Variants in SOX13 observed in about 807,000 individuals in gnomAD.
SOX13 encodes transcription factor SOX-13.
SOX13 carries 28 observed loss-of-function variants against 71.8 expected under a neutral mutation model. The observed-to-expected ratio is 0.39, with a 90% CI of 0.29 to 0.53. The LOEUF (loss-of-function observed/expected upper bound fraction) is 0.53. Among genes scored for constraint, SOX13 ranks in the 20% least tolerant of loss-of-function variants. SOX13 has a pLI of 0.70. For synonymous variants in SOX13, 309 were observed against 317.8 expected (o/e 0.97, Z 0.29); for missense variants, 627 against 810.3 (o/e 0.77, Z 2.75).
chr1:204,115,480 T>G (rs1571589141), intron 4 of SOX13, among the ~76,000 whole-genome samples: 2 of 115,550 alleles, frequency 1.7e-5, no homozygotes, highest in East Asian at 3.3e-4. Context: ...ATGTTGTTTT[T>G]TTTTTTTTTT....
intron 1 of SOX13, among the ~76,000 whole-genome samples, chr1:204,093,500 G>A (rs1571572910): frequency 6.6e-6 from 1 of 152,356 alleles, no homozygotes; most frequent in Non-Finnish European, 1.5e-5. Flanking sequence ...GGGCCTGACA[G>A]GAAGTGAAGG....
chr1:204,113,844 G>A (rs931155689), intron 2 of SOX13, among the ~76,000 whole-genome samples: 3 of 152,126 alleles, frequency 2.0e-5, no homozygotes, highest in Admixed American at 1.3e-4. Flanking sequence ...TGGGGAGTGT[G>A]AGTAACTTTT....
In SOX13 at chr1:204,098,460, C is replaced by T. The variant is rs570635536; in HGVS notation, c.-1-14455C>T. Among the ~76,000 whole-genome samples, 5 of 150,730 alleles carry T rather than the reference C, an allele frequency of 3.3e-5. 1 individual carries two copies. In the South Asian group the frequency reaches 6.3e-4, roughly 19 times the overall value. On this transcript the variant is annotated intron_variant, in intron 1 of 13. Transcript: ENST00000367204. ...TGCCACTGCACTCCAGCCTGGGTGA[C>T]AGAGCGAGACTCAAAAAAAAAAAAA...
intron 1 of SOX13, among the ~76,000 whole-genome samples, chr1:204,086,843 C>G (rs1396815423): frequency 1.3e-5 from 2 of 151,982 alleles, no homozygotes; most frequent in African/African-American, 2.4e-5. Context: ...TATTAGGGTC[C>G]CTCTGTGATC....
Position 204,082,079 on chromosome 1 carries a change from T to TG in SOX13, c.-2+8375dup, listed in dbSNP as rs1217696162. Among the ~76,000 whole-genome samples the TG allele has an allele frequency of 4.5e-5, 5 of 111,712 alleles. No homozygotes were observed. In the South Asian group the frequency reaches 1.3e-3, roughly 29 times the overall value. The allele number at this position is 111,712 out of a possible 152,430, so 73.3% of individuals were successfully genotyped here. On this transcript the variant is annotated intron_variant, in intron 1 of 13. Transcript: ENST00000367204. Reference sequence around the variant, plus strand: ...TTCTTGGCTGGTGGTGGGGTGTGTGTGGGGGGGAGGGAAGCTGAGTGTGAT... The same window carrying TG: ...TTCTTGGCTGGTGGTGGGGTGTGTGTGGGGGGGGAGGGAAGCTGAGTGTGAT...
At chr1:204,097,295 G>A (rs1345949261) in intron 1 of SOX13, among the ~76,000 whole-genome samples, 1 of 152,200 alleles carries the variant, frequency 6.6e-6, no homozygotes, top group Non-Finnish European at 1.5e-5. Context: ...TGGAAGATGT[G>A]CAGCCATTAA....
chr1:204,115,945 C>G (rs978180827), intron 4 of SOX13: 1 of 219,820 alleles, frequency 4.5e-6, no homozygotes, highest in African/African-American at 2.3e-5. Flanking sequence ...GGATTACAGG[C>G]GTGAGCCACC....
At chr1:204,113,319 G>A (rs1656625189) in intron 2 of SOX13, among the ~76,000 whole-genome samples, 185 bp downstream of exon 2, 1 of 152,224 alleles carries the variant, frequency 6.6e-6, no homozygotes, top group Admixed American at 6.5e-5. Flanking sequence ...TGGAAGCGGG[G>A]TCACCTATCA....
rs1056497357 is a variant in SOX13, at chr1:204,081,537, G to T, written c.-2+7826G>T. On this transcript the variant is annotated intron_variant, in intron 1 of 13. Transcript: ENST00000367204. The surrounding 1 kb of genome is among the most constrained non-coding windows in gnomAD (Gnocchi z 4.3). Reference sequence around the variant, plus strand: ...CCCCCTGGCGGGCTCTGGGGGTGGGGGTTGGGGGGTTGCCTGGGACTCATG... The same window carrying T: ...CCCCCTGGCGGGCTCTGGGGGTGGGTGTTGGGGGGTTGCCTGGGACTCATG... Among the ~76,000 whole-genome samples the T allele has an allele frequency of 2.6e-5, 4 of 152,178 alleles. No homozygotes were observed. Among genetic ancestry groups the T allele is most frequent in the African/African-American group, 9.7e-5 (4 of 41,448 alleles).
chr1:204,122,248 GC>G lies in SOX13; in HGVS notation c.877del (p.Leu293Ter). The G allele has an allele frequency of 6.3e-7, 1 of 1,582,818 alleles. No individual in the cohort carries two copies. Among genetic ancestry groups the G allele is most frequent in the Non-Finnish European group, 8.6e-7 (1 of 1,165,144 alleles). On this transcript the variant is annotated frameshift_variant, in exon 9 of 14. Transcript: ENST00000367204. LOFTEE classifies it high-confidence loss of function. ...THHPLQEPSQPLNLTAKPKAP... is the reference protein window; with the variant it reads ...THHPLQEPSQXLNLTAKPKAP... ...TGGGTCTCCCTCAGGAGCCCTCCCA[GC>G]CCCTGAACCTCACAGCCAAGCCCAA...
intron 7 of SOX13, chr1:204,118,317 TG>T (rs1196455256): frequency 6.6e-6 from 1 of 151,780 alleles, no homozygotes; most frequent in Non-Finnish European, 1.5e-5. Context: ...GAATATTAAC[TG>T]GGTTTTACAA....
intron 1 of SOX13, among the ~76,000 whole-genome samples, chr1:204,085,409 C>T (rs940262854): frequency 6.6e-6 from 1 of 152,158 alleles, no homozygotes; most frequent in African/African-American, 2.4e-5. Flanking sequence ...TTAAAAGATG[C>T]CTGTTATTGT....
At chr1:204,122,080 C>T (rs970328905) in intron 8 of SOX13, 95 bp downstream of exon 8, 2 of 1,061,818 alleles carry the variant, frequency 1.9e-6, no homozygotes, top group African/African-American at 1.6e-5. Context: ...CTGGTGAGCC[C>T]TGGCATCCTG....
At chr1:204,121,449 A>C (rs565519915) in intron 7 of SOX13, among the ~76,000 whole-genome samples, 2 of 152,262 alleles carry the variant, frequency 1.3e-5, no homozygotes, top group East Asian at 3.9e-4. Context: ...TTTTTCTGTA[A>C]AATGGGATGA....
rs115400560 is a variant in SOX13, at chr1:204,121,455, G to A, written c.776-445G>A. Among the ~76,000 whole-genome samples, 288 of 152,230 alleles carry A rather than the reference G, an allele frequency of 1.9e-3. 3 individuals carry two copies. The highest frequency in any genetic ancestry group is 6.5e-3 in the African/African-American group (269 of 41,516). On this transcript the variant is annotated intron_variant, in intron 7 of 13. Transcript: ENST00000367204. ...TTTCATTTCTTTTTCTGTAAAATGG[G>A]ATGATGATGTATTCAGCCCCTGTTA...
chr1:204,125,824 G>A (rs778539929), intron 13 of SOX13, 34 bp from the exon 14 acceptor site: 4 of 1,591,764 alleles, frequency 2.5e-6, no homozygotes, highest in East Asian at 4.5e-5. Context: ...AATCAAGTGT[G>A]CATCCATCAC....
In SOX13 at chr1:204,117,103, T is replaced by C; in HGVS notation, c.592-19T>C. ...GCTAATGTCCGTGACCCCCTCTGCC[T>C]ACTCTTTCCCTCTCCCAGATTGCAA... On this transcript the variant is annotated intron_variant, in intron 5 of 13. Coordinates refer to ENST00000367204, the MANE Select transcript of SOX13 (RefSeq NM_005686.3). The C allele has an allele frequency of 6.2e-7, 1 of 1,613,390 alleles. No individual in the cohort carries two copies.
chr1:204,095,340 C>G (rs1656231435), intron 1 of SOX13, among the ~76,000 whole-genome samples: 2 of 152,132 alleles, frequency 1.3e-5, no homozygotes, highest in African/African-American at 4.8e-5. Flanking sequence ...CTGAGAAATC[C>G]TAAATACACC....
intron 1 of SOX13, among the ~76,000 whole-genome samples, chr1:204,109,517 G>T (rs927657520): frequency 6.6e-6 from 1 of 152,188 alleles, no homozygotes; most frequent in Non-Finnish European, 1.5e-5. Flanking sequence ...TAGCCTAGGA[G>T]AAATAGGCTA....
Sources: allele counts gnomAD v4.1 joint callset (sites outside exome capture counted in the v4.1 genomes callset), GRCh38; gene constraint gnomAD v4.1.1; non-coding constraint Gnocchi (gnomAD v3.1); transcripts MANE v1.5; gene names NCBI Gene and HGNC (gene_info 2026-07-23, HGNC 2026-07-21).